AIF1L: variants seen among roughly 807,000 people sequenced by gnomAD.
The protein encoded by AIF1L is allograft inflammatory factor 1 like, also known as allograft inflammatory factor 1-like.
A neutral mutation model predicts 20.7 loss-of-function variants in AIF1L; 12 were observed. That is an observed-to-expected ratio of 0.58 (90% CI 0.37 to 0.94). The LOEUF (loss-of-function observed/expected upper bound fraction) is 0.94. AIF1L is among the 40% of genes least tolerant of loss of function. The pLI is 0.01. For synonymous variants in AIF1L, 76 were observed against 65.1 expected (o/e 1.17, Z -0.81); for missense variants, 173 against 185.3 (o/e 0.93, Z 0.39).
chr9:131,106,458 G>A (rs996016673), intron 2 of AIF1L, among the ~76,000 whole-genome samples: 1 of 152,182 alleles, frequency 6.6e-6, no homozygotes, highest in Non-Finnish European at 1.5e-5. Flanking sequence ...GGAAGTCGGG[G>A]CAGCTGAAGT....
chr9:131,099,834 C>T (rs1268011274), intron 2 of AIF1L, among the ~76,000 whole-genome samples: 3 of 149,386 alleles, frequency 2.0e-5, no homozygotes, highest in Non-Finnish European at 3.0e-5. Context: ...TCAAGCGATT[C>T]TCCTGCCTCA....
intron 2 of AIF1L, among the ~76,000 whole-genome samples, chr9:131,099,551 C>G (rs548303035): frequency 2.0e-5 from 3 of 152,292 alleles, no homozygotes; most frequent in African/African-American, 7.2e-5. Context: ...GATTCACTGC[C>G]AAAGCCCTGC....
At chr9:131,119,188 T>C (rs535491924) in intron 5 of AIF1L, among the ~76,000 whole-genome samples, 1 of 152,356 alleles carries the variant, frequency 6.6e-6, no homozygotes, top group East Asian at 1.9e-4. Context: ...GGCAGTCTCA[T>C]TGTCATTTGT....
intron 2 of AIF1L, chr9:131,106,086 T>G: frequency 7.6e-7 from 1 of 1,323,878 alleles, no homozygotes; most frequent in Non-Finnish European, 1.0e-6. Context: ...CCTCAACAGA[T>G]GTTTATTGAG....
chr9:131,118,372 C>T (rs182510763), intron 5 of AIF1L, among the ~76,000 whole-genome samples: 12 of 152,052 alleles, frequency 7.9e-5, no homozygotes, highest in Admixed American at 5.9e-4. Context: ...GGATTATAGG[C>T]GTGAGCCACC....
chr9:131,114,317 C>CGGA, intron 3 of AIF1L: 1 of 465,290 alleles, frequency 2.1e-6, no homozygotes, highest in Non-Finnish European at 4.0e-6. Context: ...AAGCAGCTGC[C>CGGA]CTCCTGGTAA....
At chr9:131,099,035 G>C (rs184081716) in intron 2 of AIF1L, among the ~76,000 whole-genome samples, 5 of 152,310 alleles carry the variant, frequency 3.3e-5, no homozygotes, top group African/African-American at 1.2e-4. Context: ...GTACCCACAA[G>C]CACTGATCTG....
chr9:131,110,910 C>G (rs1420994322), intron 2 of AIF1L, among the ~76,000 whole-genome samples: 1 of 151,680 alleles, frequency 6.6e-6, no homozygotes, highest in African/African-American at 2.4e-5. Context: ...ACCTGTAATC[C>G]CAGCACTTTG....
intron 2 of AIF1L, among the ~76,000 whole-genome samples, chr9:131,097,942 G>A (rs1269309429): frequency 6.6e-6 from 1 of 152,234 alleles, no homozygotes; most frequent in Non-Finnish European, 1.5e-5. Context: ...AGGCACGCCC[G>A]CTGAAACAAG....
At chr9:131,100,806 C>G (rs73658922) in intron 2 of AIF1L, among the ~76,000 whole-genome samples, 1 of 152,208 alleles carries the variant, frequency 6.6e-6, no homozygotes, top group East Asian at 1.9e-4. Flanking sequence ...GGGGCGCTGC[C>G]CCTCAGGGTG....
Position 131,104,028 on chromosome 9 carries a change from T to C in AIF1L, c.93+7165T>C, listed in dbSNP as rs571594300. Among the ~76,000 whole-genome samples, 48 of 152,250 alleles carry C rather than the reference T, an allele frequency of 3.2e-4. 1 individual carries two copies. In the South Asian group the frequency reaches 7.7e-3, roughly 24 times the overall value. Reference sequence around the variant, plus strand: ...GTGGCTGGGTGGATAATTTAACAGCTCTGCCACCTCCCAGGCCCCAGCCTT... The same window carrying C: ...GTGGCTGGGTGGATAATTTAACAGCCCTGCCACCTCCCAGGCCCCAGCCTT... On this transcript the variant is annotated intron_variant, in intron 2 of 5. Coordinates refer to ENST00000247291, the MANE Select transcript of AIF1L (RefSeq NM_031426.4).
intron 2 of AIF1L, 106 bp downstream of exon 2, chr9:131,096,969 T>C: frequency 1.6e-6 from 2 of 1,258,868 alleles, no homozygotes; most frequent in South Asian, 3.3e-5. Flanking sequence ...ACCCTCTTCC[T>C]TCCCTTCCCC....
chr9:131,107,074 A>G (rs1422513532), intron 2 of AIF1L, among the ~76,000 whole-genome samples: 3 of 152,164 alleles, frequency 2.0e-5, no homozygotes, highest in African/African-American at 7.2e-5. Context: ...GCCTGGCGAC[A>G]GAGTGAGACT....
intron 2 of AIF1L, among the ~76,000 whole-genome samples, chr9:131,099,064 T>C (rs1270125246): frequency 6.6e-6 from 1 of 152,184 alleles, no homozygotes; most frequent in African/African-American, 2.4e-5. Flanking sequence ...GGCAAGCCAC[T>C]CACCTCTCTG....
intron 2 of AIF1L, among the ~76,000 whole-genome samples, chr9:131,099,979 A>G (rs924507596): frequency 6.6e-6 from 1 of 152,038 alleles, no homozygotes; most frequent in African/African-American, 2.4e-5. Context: ...TGCCCGCCTC[A>G]GCCTTCCAAA....
In AIF1L at chr9:131,122,448, T is replaced by G. The variant is rs1831159988; in HGVS notation, c.*2126T>G. The G allele has an allele frequency of 6.6e-6, 1 of 151,192 alleles. No homozygotes were observed. The highest frequency in any genetic ancestry group is 2.4e-5 in the African/African-American group (1 of 40,998). The allele number at this position is 151,192 out of a possible 1,614,324, so 9.4% of individuals were successfully genotyped here. Reference sequence around the variant, plus strand: ...CTCCCTGTAAATGGAAAATCCTACTTCTACCCCCACCCTGCCCTGTTTTTT... The same window carrying G: ...CTCCCTGTAAATGGAAAATCCTACTGCTACCCCCACCCTGCCCTGTTTTTT... On this transcript the variant is annotated 3_prime_UTR_variant, in exon 6 of 6. Coordinates refer to ENST00000247291, the MANE Select transcript of AIF1L (RefSeq NM_031426.4).
At chr9:131,104,808 G>A (rs576048536) in intron 2 of AIF1L, among the ~76,000 whole-genome samples, 9 of 151,966 alleles carry the variant, frequency 5.9e-5, no homozygotes, top group African/African-American at 2.2e-4. Context: ...TGAGATGGGC[G>A]GACTGCTTGG....
At chr9:131,113,479 C>T (rs1280036469) in intron 3 of AIF1L, among the ~76,000 whole-genome samples, 10 of 111,360 alleles carry the variant, frequency 9.0e-5, no homozygotes, top group African/African-American at 3.6e-4. Context: ...GCCTTGGTGA[C>T]AGAATGAGAC....
At chr9:131,103,092 C>G in intron 2 of AIF1L, 1 of 434,368 alleles carries the variant, frequency 2.3e-6, no homozygotes, top group Non-Finnish European at 4.7e-6. Flanking sequence ...GGTTTGGAAA[C>G]AGCCCCTCCT....
Sources: gnomAD v4.1 joint callset for allele counts (sites outside exome capture counted in the v4.1 genomes callset) on GRCh38, gnomAD v4.1.1 for gene constraint, MANE v1.5 for transcripts, NCBI Gene and HGNC (gene_info 2026-07-23, HGNC 2026-07-21) for gene names.